CAV1: variants seen among roughly 807,000 people sequenced by gnomAD.
CAV1 encodes the protein caveolin-1.
In CAV1, 10 loss-of-function variants were observed where a neutral mutation model predicts 16.5. That is an observed-to-expected ratio of 0.61 (90% CI 0.37 to 1.03). The LOEUF is 1.03. Ranked by LOEUF, CAV1 falls within the 50% of genes least tolerant of loss-of-function variation. The pLI, the probability that CAV1 is intolerant of heterozygous loss-of-function variation, is 0.01. For missense variants in CAV1, 212 were observed against 232.8 expected (o/e 0.91, Z 0.58); for synonymous variants, 76 against 85.1 (o/e 0.89, Z 0.59).
Position 116,555,542 on chromosome 7 carries a change from G to GAGAGAGAA in CAV1, c.196-3401_196-3400insGAGAAAGA, listed in dbSNP as rs1478856618. Among the ~76,000 whole-genome samples, 75 of 12,132 alleles carry GAGAGAGAA rather than the reference G, an allele frequency of 6.2e-3. 1 individual carries two copies. Among genetic ancestry groups the GAGAGAGAA allele is most frequent in the Middle Eastern group, 0.033 (1 of 30 alleles). 8.0% of individuals were successfully genotyped at this position (12,132 alleles called of 152,430 possible). A position where few individuals can be genotyped will look rare whatever the true frequency, so the allele number is the denominator to read the frequency against. On this transcript the variant is annotated intron_variant, in intron 2 of 2. Transcript: ENST00000341049. ...AAAGAGAGAGAGAGAGAGAGAGAGA[G>GAGAGAGAA]AGAAAGAAAGAAAGAAAGAAAGAAA...
intron 2 of CAV1, among the ~76,000 whole-genome samples, chr7:116,532,643 C>A (rs1362308581): frequency 1.3e-5 from 2 of 152,184 alleles, no homozygotes; most frequent in African/African-American, 4.8e-5. Context: ...AAAAAAGACA[C>A]TCTCAGCCCC....
intron 2 of CAV1, among the ~76,000 whole-genome samples, chr7:116,555,517 A>G (rs1794254971): frequency 4.4e-4 from 5 of 11,240 alleles, no homozygotes; most frequent in East Asian, 5.5e-3. Context: ...AGAAAGAAAG[A>G]AAGAGAGAGA....
At chr7:116,553,185 T>A (rs1250803191) in intron 2 of CAV1, among the ~76,000 whole-genome samples, 1 of 152,156 alleles carries the variant, frequency 6.6e-6, no homozygotes, top group Non-Finnish European at 1.5e-5. Context: ...TTCTATATTT[T>A]AAAAATCCTG....
Position 116,559,248 on chromosome 7 carries a change from A to G in CAV1, c.498A>G (p.Ile166Met), listed in dbSNP as rs1794355173. Residue 166 changes from isoleucine (I) to methionine (M), a missense_variant, in exon 3 of 3, where the codon ATA (isoleucine) becomes ATG (methionine). Coordinates refer to ENST00000341049, the MANE Select transcript of CAV1 (RefSeq NM_001753.5). Reference sequence around the variant, plus strand: ...CACTCTTTGAAGCTGTTGGGAAAATATTCAGCAATGTCCGCATCAACTTGC... The same window carrying G: ...CACTCTTTGAAGCTGTTGGGAAAATGTTCAGCAATGTCCGCATCAACTTGC... Reference protein sequence around the residue: ...CDPLFEAVGKIFSNVRINLQK... With the variant: ...CDPLFEAVGKMFSNVRINLQK... 1 of 1,613,774 alleles carries G rather than the reference A, an allele frequency of 6.2e-7. No homozygotes were observed. The highest frequency in any genetic ancestry group is 1.3e-5 in the African/African-American group (1 of 74,930).
chr7:116,555,549 AAAG>A (rs1562838401), intron 2 of CAV1, among the ~76,000 whole-genome samples: 27 of 57,522 alleles, frequency 4.7e-4, no homozygotes, highest in South Asian at 8.3e-4. Flanking sequence ...AGAGAGAAAG[AAAG>A]AAAGAAAGAA....
At chr7:116,526,950 A>G (rs1021528866) in intron 2 of CAV1, 8 of 532,162 alleles carry the variant, frequency 1.5e-5, no homozygotes, top group Non-Finnish European at 2.4e-5. Context: ...AGAAGTTCCT[A>G]TAACTACACT....
chr7:116,526,224 G>T, intron 1 of CAV1: 1 of 1,028,240 alleles, frequency 9.7e-7, no homozygotes, highest in Non-Finnish European at 1.2e-6. Context: ...GCGGGCGGGG[G>T]CCTTCGGACC....
chr7:116,526,287 C>G (rs1411496846), intron 1 of CAV1: 1 of 1,310,594 alleles, frequency 7.6e-7, no homozygotes, highest in Non-Finnish European at 9.8e-7. Context: ...GGCAGGCGCG[C>G]CCTGCAGAGT....
intron 2 of CAV1, among the ~76,000 whole-genome samples, chr7:116,528,615 G>A (rs1252170203): frequency 6.6e-6 from 1 of 152,044 alleles, no homozygotes; most frequent in Non-Finnish European, 1.5e-5. Context: ...GACTACAAAT[G>A]CAAATTCTGC....
intron 2 of CAV1, among the ~76,000 whole-genome samples, chr7:116,542,187 C>T (rs534944994): frequency 2.0e-5 from 3 of 152,340 alleles, no homozygotes; most frequent in South Asian, 2.1e-4. Context: ...CCCTCCTACA[C>T]GTTGCATATT....
intron 2 of CAV1, among the ~76,000 whole-genome samples, chr7:116,550,227 G>C (rs1033552593): frequency 2.0e-5 from 3 of 152,126 alleles, no homozygotes; most frequent in Non-Finnish European, 4.4e-5. Context: ...CACAAAGGTA[G>C]ATAAATACCC....
intron 2 of CAV1, among the ~76,000 whole-genome samples, chr7:116,557,753 C>T (rs763751870): frequency 5.3e-5 from 8 of 152,000 alleles, no homozygotes; most frequent in Non-Finnish European, 8.8e-5. Context: ...CAGTCCTGGC[C>T]CTTCAAACTT....
rs912172840 is a variant in CAV1 at position 116,559,852 on chromosome 7, A to G, written c.*565A>G. On this transcript the variant is annotated 3_prime_UTR_variant, in exon 3 of 3. Transcript: ENST00000341049. The stretch of plus-strand genomic sequence containing the variant: ...AGAAAACATAATCTTCTGCCTTCTC[A>G]TGATCCAACTAATGCCTTACTCTTC... The G allele has an allele frequency of 1.5e-5, 6 of 401,578 alleles. No individual in the cohort carries two copies. Among genetic ancestry groups the G allele is most frequent in the African/African-American group, 4.1e-5 (2 of 48,608 alleles). 24.9% of individuals were successfully genotyped at this position (401,578 alleles called of 1,614,324 possible).
chr7:116,529,799 C>T (rs1193705865), intron 2 of CAV1, among the ~76,000 whole-genome samples: 1 of 152,196 alleles, frequency 6.6e-6, no homozygotes, highest in Non-Finnish European at 1.5e-5. Context: ...CAAATATAGA[C>T]ATTTACCCAA....
Position 116,558,865 on chromosome 7 carries a change from A to T in CAV1, c.196-81A>T, listed in dbSNP as rs1248452461. On this transcript the variant is annotated intron_variant, in intron 2 of 2. Transcript: ENST00000341049. ...GAACTCATAAATGCTAATACAGTAT[A>T]TGTCTATGGATACTGAATAGTGGGT... 7 of 1,019,064 alleles carry T rather than the reference A, an allele frequency of 6.9e-6. No homozygotes were observed. The East Asian group carries it at 1.8e-4, about 26-fold the overall frequency. The allele number at this position is 1,019,064 out of a possible 1,614,324, so 63.1% of individuals were successfully genotyped here. A position where few individuals can be genotyped will look rare whatever the true frequency, so the allele number is the denominator to read the frequency against.
At chr7:116,540,458 G>A (rs546891279) in intron 2 of CAV1, among the ~76,000 whole-genome samples, 4 of 152,110 alleles carry the variant, frequency 2.6e-5, no homozygotes, top group Non-Finnish European at 4.4e-5. Flanking sequence ...TAAAATACCA[G>A]GATCATTATT....
intron 2 of CAV1, among the ~76,000 whole-genome samples, chr7:116,553,760 G>T (rs188131937): frequency 9.2e-5 from 14 of 152,262 alleles, no homozygotes; most frequent in Admixed American, 3.9e-4. Flanking sequence ...TAGGAAACGG[G>T]ACTGGGGAGT....
chr7:116,546,943 C>A (rs1794063884), intron 2 of CAV1, among the ~76,000 whole-genome samples: 1 of 152,062 alleles, frequency 6.6e-6, no homozygotes, highest in Admixed American at 6.5e-5. Context: ...TTTCTGAAGC[C>A]TATAGGGAAG....
At position 116,526,569 on chromosome 7, in the gene CAV1, C is replaced by A; in HGVS notation, c.75C>A (p.Tyr25Ter). ...CCATCCGGGAACAGGGCAACATCTACAAGCCCAACAACAAGGCCATGGCAG... is the reference window on the plus strand; with the variant it reads ...CCATCCGGGAACAGGGCAACATCTAAAAGCCCAACAACAAGGCCATGGCAG... The part of the protein sequence containing the change: ...TVPIREQGNI[Y>*]KPNNKAMADE... Residue 25 changes from tyrosine (Y) to a stop codon, truncating the protein, a stop_gained, in exon 2 of 3, where the codon TAC (tyrosine) becomes TAA (stop). Transcript: ENST00000341049. LOFTEE classifies it high-confidence loss of function. 1.2e-6 allele frequency: 2 copies of A among 1,614,200 alleles called. No homozygotes were observed. The highest frequency in any genetic ancestry group is 1.7e-6 in the Non-Finnish European group (2 of 1,180,046).
Sources: gnomAD v4.1 joint callset for allele counts (sites outside exome capture counted in the v4.1 genomes callset) on GRCh38, gnomAD v4.1.1 for gene constraint, MANE v1.5 for transcripts, NCBI Gene and HGNC (gene_info 2026-07-23, HGNC 2026-07-21) for gene names.